The following GSN variants were observed in gnomAD, a reference collection of about 807,000 sequenced individuals.
The protein encoded by GSN is gelsolin, also known as actin-depolymerizing factor.
In GSN, 56 loss-of-function variants were observed where a neutral mutation model predicts 85.7. The ratio of observed to expected loss-of-function variants is 0.65; its 90% CI spans 0.53 to 0.82. GSN has a LOEUF of 0.82. GSN is among the 40% of genes least tolerant of loss of function. The pLI is 0.00. For missense variants in GSN, 857 were observed against 979.8 expected (o/e 0.87, Z 1.67); for synonymous variants, 373 against 399.1 (o/e 0.93, Z 0.78).
intron 6 of GSN, among the ~76,000 whole-genome samples, chr9:121,249,369 T>C (rs951967303): frequency 4.6e-5 from 7 of 151,992 alleles, no homozygotes; most frequent in Non-Finnish European, 1.0e-4. Context: ...CCAAGCTACT[T>C]GGGAGGCTGA....
upstream of GSN, among the ~76,000 whole-genome samples, chr9:121,207,582 C>A (rs2053902704): frequency 6.6e-6 from 1 of 152,118 alleles, no homozygotes; most frequent in African/African-American, 2.4e-5. Context: ...AAACATGAGA[C>A]CCATGGAAGG....
rs774827531 is a variant in GSN, at chr9:121,317,234, A to C, written c.886+16A>C. ...GTCTGGAAAGGTACTGGAGACAGGGAAAGGGTCCCAACTGGCCTGTAGGAT... is the reference window on the plus strand; with the variant it reads ...GTCTGGAAAGGTACTGGAGACAGGGCAAGGGTCCCAACTGGCCTGTAGGAT... On this transcript the variant is annotated intron_variant, in intron 8 of 17. Coordinates refer to ENST00000432226, the MANE Select transcript of GSN (RefSeq NM_198252.3). 1 of 1,613,750 alleles carries C rather than the reference A, an allele frequency of 6.2e-7. No individual in the cohort carries two copies. The highest frequency in any genetic ancestry group is 1.7e-5 in the Admixed American group (1 of 60,020).
rs147388031 is a variant in GSN, at chr9:121,232,834, A to T, written c.-389+1531A>T. ...AGACTCATGGGTACTTCCTTTCAAG[A>T]ACCTCCGCTTTCCTTGATGTTTGCT... On this transcript the variant is annotated intron_variant, in intron 5 of 24. Coordinates refer to the GSN transcript ENST00000373823. Among the ~76,000 whole-genome samples, 711 of 152,296 alleles carry T rather than the reference A, an allele frequency of 4.7e-3. 6 individuals carry two copies. The highest frequency in any genetic ancestry group is 0.02 in the Middle Eastern group (6 of 294).
At chr9:121,287,324 T>C (rs2058233421) in intron 2 of GSN, among the ~76,000 whole-genome samples, 1 of 152,146 alleles carries the variant, frequency 6.6e-6, no homozygotes, top group South Asian at 2.1e-4. Context: ...TCTCCCACTG[T>C]TTGATCAACT....
At chr9:121,278,849 C>T (rs2056985114) in intron 1 of GSN, among the ~76,000 whole-genome samples, 1 of 152,226 alleles carries the variant, frequency 6.6e-6, no homozygotes, top group African/African-American at 2.4e-5. Flanking sequence ...AACTCAGCTC[C>T]TGGGGTGTGT....
At chr9:121,320,030 G>A (rs539388164) in intron 10 of GSN, among the ~76,000 whole-genome samples, 1 of 152,278 alleles carries the variant, frequency 6.6e-6, no homozygotes, top group East Asian at 1.9e-4. Flanking sequence ...ATTTCGGGTG[G>A]GGCGGTGTGG....
chr9:121,208,813 G>A (rs953944862), intron 1 of GSN, among the ~76,000 whole-genome samples: 4 of 152,178 alleles, frequency 2.6e-5, no homozygotes, highest in Non-Finnish European at 4.4e-5. Context: ...AGCTATTTTT[G>A]CCATACCATC....
chr9:121,305,798 A>G (rs1466482944), intron 4 of GSN, among the ~76,000 whole-genome samples: 2 of 152,210 alleles, frequency 1.3e-5, no homozygotes, highest in Non-Finnish European at 2.9e-5. Flanking sequence ...ACCTTCTGTA[A>G]GTCCTCAGTC....
At chr9:121,223,099 A>C (rs1369964691) in intron 4 of GSN, 1 of 152,092 alleles carries the variant, frequency 6.6e-6, no homozygotes, top group African/African-American at 2.4e-5. Flanking sequence ...GGAGGGACAT[A>C]TAGCCGTTAC....
chr9:121,247,910 A>G (rs2054735195), intron 5 of GSN, among the ~76,000 whole-genome samples: 1 of 57,364 alleles, frequency 1.7e-5, no homozygotes, highest in Non-Finnish European at 3.3e-5. Context: ...CCGCCACTGC[A>G]AGGGAGTCTC....
In GSN at chr9:121,302,988, G is replaced by GC; in HGVS notation, c.276dup (p.Val93ArgfsTer5). The stretch of plus-strand genomic sequence containing the variant: ...GCTGGATGACTACCTGAACGGCCGG[G>GC]CCGTGCAGCACCGTGAGGTCCAGGG... On this transcript the variant is annotated frameshift_variant, in exon 4 of 18. Coordinates refer to ENST00000432226, the MANE Select transcript of GSN (RefSeq NM_198252.3). LOFTEE classifies it high-confidence loss of function. 1.2e-6 allele frequency: 2 copies of GC among 1,613,998 alleles called. No individual in the cohort carries two copies. The highest frequency in any genetic ancestry group is 1.7e-6 in the Non-Finnish European group (2 of 1,180,018).
At chr9:121,242,829 A>G (rs765136967) in intron 5 of GSN, among the ~76,000 whole-genome samples, 17 of 152,088 alleles carry the variant, frequency 1.1e-4, no homozygotes, top group Non-Finnish European at 2.2e-4. Context: ...ATAACAGGGG[A>G]TGTAAGGCAT....
intron 2 of GSN, among the ~76,000 whole-genome samples, chr9:121,301,670 G>A (rs1366030506): frequency 7.3e-5 from 11 of 150,940 alleles, no homozygotes; most frequent in Non-Finnish European, 1.6e-4. Context: ...AGAAAAGAAA[G>A]GAGCAGGGAG....
chr9:121,245,765 G>A (rs776665024), intron 5 of GSN, among the ~76,000 whole-genome samples: 4 of 151,990 alleles, frequency 2.6e-5, no homozygotes, highest in African/African-American at 4.8e-5. Flanking sequence ...AAAAAGAGAC[G>A]AGGTCTTGCT....
chr9:121,317,400 T>A (rs1335250957), intron 8 of GSN, 182 bp downstream of exon 8: 3 of 670,308 alleles, frequency 4.5e-6, no homozygotes, highest in Non-Finnish European at 7.9e-6. Context: ...GCACTTTACT[T>A]ACCCTTTCTG....
At position 121,315,534 on chromosome 9, in the gene GSN, T is replaced by G. The variant is rs567618590; in HGVS notation, c.753+1511T>G. On this transcript the variant is annotated intron_variant, in intron 7 of 17. Coordinates refer to ENST00000432226, the MANE Select transcript of GSN (RefSeq NM_198252.3). ...ATCCCAGCACTTTGAGAGGCCGAGGTAGGCGGATCACCTGAGGTCAGGAGT... is the reference window on the plus strand; with the variant it reads ...ATCCCAGCACTTTGAGAGGCCGAGGGAGGCGGATCACCTGAGGTCAGGAGT... Among the ~76,000 whole-genome samples the G allele has an allele frequency of 3.9e-5, 6 of 152,060 alleles. No homozygotes were observed. In the East Asian group the frequency reaches 7.7e-4, roughly 20 times the overall value.
In GSN at chr9:121,295,630, A is replaced by G. The variant is rs2059140532; in HGVS notation, c.-9-6333A>G. Among the ~76,000 whole-genome samples, 3 of 152,290 alleles carry G rather than the reference A, an allele frequency of 2.0e-5. No individual in the cohort carries two copies. The South Asian group carries it at 6.2e-4, about 32-fold the overall frequency. ...GGGGTCCCGCAGACATACAGAGACCAAGGTTACAGAGGAAAGGAGGGCCCA... is the reference window on the plus strand; with the variant it reads ...GGGGTCCCGCAGACATACAGAGACCGAGGTTACAGAGGAAAGGAGGGCCCA... On this transcript the variant is annotated intron_variant, in intron 2 of 17. Coordinates refer to ENST00000432226, the MANE Select transcript of GSN (RefSeq NM_198252.3).
At chr9:121,317,286 A>T in intron 8 of GSN, 68 bp downstream of exon 8, 1 of 1,530,548 alleles carries the variant, frequency 6.5e-7, no homozygotes, top group Non-Finnish European at 9.0e-7. Context: ...TGCAGCTCCC[A>T]GGAACTCAGC....
chr9:121,234,304 A>T (rs2054450384), intron 5 of GSN, among the ~76,000 whole-genome samples: 1 of 152,192 alleles, frequency 6.6e-6, no homozygotes, highest in South Asian at 2.1e-4. Flanking sequence ...GGCTATTGGG[A>T]GACACTTTGC....
Sources: allele counts gnomAD v4.1 joint callset (sites outside exome capture counted in the v4.1 genomes callset), GRCh38; gene constraint gnomAD v4.1.1; transcripts MANE v1.5; gene names NCBI Gene and HGNC (gene_info 2026-07-23, HGNC 2026-07-21).